The following ZBTB40 variants were observed in gnomAD, a reference collection of about 807,000 sequenced individuals.
ZBTB40 encodes the protein zinc finger and BTB domain containing 40.
In ZBTB40, 60 loss-of-function variants were observed where a neutral mutation model predicts 117.5. That is an observed-to-expected ratio of 0.51 (90% CI 0.41 to 0.63). ZBTB40 has a LOEUF of 0.63. Ranked by LOEUF, ZBTB40 falls within the 30% of genes least tolerant of loss-of-function variation. The probability of loss-of-function intolerance (pLI) is 0.00; values close to 1 mark genes in which losing one functional copy is unlikely to be tolerated. For synonymous variants in ZBTB40, 525 were observed against 577.1 expected, an observed-to-expected ratio of 0.91 and a Z score of 1.29; for missense variants, 1,287 against 1,498.5, an observed-to-expected ratio of 0.86 and a Z score of 2.33.
At chr1:22,448,778 GA>G (rs1640818939), upstream of ZBTB40, among the ~76,000 whole-genome samples, 1 of 151,352 alleles carries the variant, frequency 6.6e-6, no homozygotes, top group Admixed American at 6.6e-5. Context: ...TTATTAGCAG[GA>G]GAAGTCGTGG....
chr1:22,441,737 C>T (rs1640735554), intron 1 of ZBTB40, among the ~76,000 whole-genome samples: 1 of 152,114 alleles, frequency 6.6e-6, no homozygotes, highest in South Asian at 2.1e-4. Context: ...CCCACCTCAC[C>T]CTCCCAAAAT....
In ZBTB40 at chr1:22,520,150, A is replaced by G. The variant is rs1639482552; in HGVS notation, c.2923A>G (p.Lys975Glu). The part of the protein sequence containing the change: ...HRKHIHEVHS[K>E]EYHPCPTCGK... ...GAAGCACATCCATGAGGTGCACTCC[A>G]AAGAGTACCACCCCTGCCCCACGTG... Residue 975 changes from lysine to glutamate, a missense_variant, in exon 14 of 18, where the codon AAA becomes GAA. Transcript: ENST00000375647. 3 of 1,614,050 alleles carry G rather than the reference A, an allele frequency of 1.9e-6. No individual in the cohort carries two copies. Among genetic ancestry groups the G allele is most frequent in the Non-Finnish European group, 1.7e-6 (2 of 1,180,036 alleles).
intron 3 of ZBTB40, among the ~76,000 whole-genome samples, chr1:22,496,450 T>C (rs185315612): frequency 6.6e-6 from 1 of 152,070 alleles, no homozygotes; most frequent in East Asian, 1.9e-4. Flanking sequence ...TCAGAGACAG[T>C]TGTAGGGGGA....
intron 14 of ZBTB40, 27 bp downstream of exon 14, chr1:22,520,302 T>C (rs771054478): frequency 6.3e-7 from 1 of 1,585,402 alleles, no homozygotes; most frequent in Non-Finnish European, 8.6e-7. Flanking sequence ...CTGGGAGCTC[T>C]TCCCCTCACC....
chr1:22,509,307 G>A (rs1639167247), intron 9 of ZBTB40, 74 bp downstream of exon 9: 1 of 1,599,272 alleles, frequency 6.3e-7, no homozygotes, highest in African/African-American at 1.3e-5. Context: ...ATTCCTAAGA[G>A]AGGAACCAAT....
intron 1 of ZBTB40, among the ~76,000 whole-genome samples, chr1:22,485,456 TG>T (rs1247090498): frequency 2.0e-5 from 3 of 152,202 alleles, no homozygotes; most frequent in Admixed American, 6.5e-5. Flanking sequence ...TTAATGTATA[TG>T]GGGTATACAG....
chr1:22,512,568 C>G (rs540333189), intron 11 of ZBTB40, among the ~76,000 whole-genome samples: 1 of 152,240 alleles, frequency 6.6e-6, no homozygotes, highest in African/African-American at 2.4e-5. Context: ...AGAATGGTTT[C>G]CCTTGTCCTA....
chr1:22,431,263 T>C (rs979545186), intron 1 of ZBTB40, among the ~76,000 whole-genome samples: 2 of 146,626 alleles, frequency 1.4e-5, no homozygotes, highest in Non-Finnish European at 1.5e-5. Flanking sequence ...ATATTGTATA[T>C]ATTGAATATA....
chr1:22,432,467 G>A (rs1414367326), intron 1 of ZBTB40, among the ~76,000 whole-genome samples: 1 of 152,198 alleles, frequency 6.6e-6, no homozygotes, highest in Non-Finnish European at 1.5e-5. Flanking sequence ...CTTGCCAAAT[G>A]TGTCACTTCT....
intron 1 of ZBTB40, among the ~76,000 whole-genome samples, chr1:22,436,534 AT>A (rs1192537764): frequency 6.6e-6 from 1 of 152,174 alleles, no homozygotes; most frequent in African/African-American, 2.4e-5. Flanking sequence ...AAATAAAAAA[AT>A]AAAAATAAAT....
At chr1:22,458,881 G>A (rs1054597233) in intron 1 of ZBTB40, among the ~76,000 whole-genome samples, 1 of 152,150 alleles carries the variant, frequency 6.6e-6, no homozygotes, top group Admixed American at 6.5e-5. Context: ...GTGAGCCACT[G>A]TGCCAGGCTG....
chr1:22,468,465 C>CTTTTTTTTT lies in ZBTB40; in HGVS notation c.-70+16480_-70+16488dup, dbSNP rs555995462. The stretch of plus-strand genomic sequence containing the variant: ...TTAAAATTTAAAATGTTAATGTTTC[C>CTTTTTTTTT]TTTTTTTTTTTTTTTTTTTTTTTTT... On this transcript the variant is annotated intron_variant, in intron 1 of 17. Coordinates refer to ENST00000375647, the MANE Select transcript of ZBTB40 (RefSeq NM_014870.4). 1.5e-4 allele frequency among the ~76,000 whole-genome samples: 8 copies of CTTTTTTTTT among 51,706 alleles called. 1 individual carries two copies. Among genetic ancestry groups the CTTTTTTTTT allele is most frequent in the African/African-American group, 3.6e-4 (3 of 8,434 alleles). 33.9% of individuals were successfully genotyped at this position (51,706 alleles called of 152,430 possible). A position where few individuals can be genotyped will look rare whatever the true frequency, so the allele number is the denominator to read the frequency against.
intron 16 of ZBTB40, 96 bp downstream of exon 16, chr1:22,522,559 C>A: frequency 8.7e-7 from 1 of 1,147,234 alleles, no homozygotes; most frequent in Non-Finnish European, 1.3e-6. Context: ...AATCGCTTAA[C>A]AAACCTGTGC....
rs1181879245 is a variant in ZBTB40, at chr1:22,501,176, A to G, written c.832-316A>G. 2.6e-5 allele frequency among the ~76,000 whole-genome samples: 4 copies of G among 152,240 alleles called. No individual in the cohort carries two copies. In the East Asian group the frequency reaches 7.7e-4, roughly 29 times the overall value. ...TAGGAGAAAAAAAAAATTATAATAT[A>G]GTGTGACAAATGTCAAATTAAAAGC... On this transcript the variant is annotated intron_variant, in intron 3 of 17. Coordinates refer to ENST00000375647, the MANE Select transcript of ZBTB40 (RefSeq NM_014870.4).
chr1:22,520,346 C>A lies in ZBTB40; in HGVS notation c.3048+71C>A, dbSNP rs1569886859. The A allele has an allele frequency of 6.8e-6, 9 of 1,324,944 alleles. No individual in the cohort carries two copies. The South Asian group carries it at 1.1e-4, about 16-fold the overall frequency. The allele number at this position is 1,324,944 out of a possible 1,614,324, so 82.1% of individuals were successfully genotyped here. A position where few individuals can be genotyped will look rare whatever the true frequency, so the allele number is the denominator to read the frequency against. Reference sequence around the variant, plus strand: ...ACTCTCCATTTGATCTTCCCTGATGCCCGGGTTGGTGGCTTGCAGATCATA... The same window carrying A: ...ACTCTCCATTTGATCTTCCCTGATGACCGGGTTGGTGGCTTGCAGATCATA... On this transcript the variant is annotated intron_variant, in intron 14 of 17. Coordinates refer to ENST00000375647, the MANE Select transcript of ZBTB40 (RefSeq NM_014870.4).
chr1:22,508,805 A>G (rs1639148357), intron 8 of ZBTB40, 74 bp downstream of exon 8: 8 of 1,482,134 alleles, frequency 5.4e-6, no homozygotes, highest in Middle Eastern at 2.4e-4. Context: ...AAATAGGAAG[A>G]GCTCTCTTAA....
chr1:22,517,677 G>A (rs1639412282), intron 13 of ZBTB40: 2 of 604,404 alleles, frequency 3.3e-6, no homozygotes, highest in East Asian at 5.9e-5. Flanking sequence ...TCTCTGGCCA[G>A]GCTGTTTCCC....
intron 3 of ZBTB40, among the ~76,000 whole-genome samples, chr1:22,492,339 T>C (rs1028579898): frequency 7.9e-5 from 12 of 152,242 alleles, no homozygotes; most frequent in Non-Finnish European, 2.9e-5. Flanking sequence ...TTAGCTGACC[T>C]CTTTTTTTAA....
chr1:22,444,532 G>A (rs978802096), intron 1 of ZBTB40, among the ~76,000 whole-genome samples: 8 of 152,228 alleles, frequency 5.3e-5, no homozygotes, highest in African/African-American at 1.2e-4. Context: ...GGAGTTGGGC[G>A]AGTGGGTTCA....
Sources: allele counts gnomAD v4.1 joint callset (sites outside exome capture counted in the v4.1 genomes callset), GRCh38; gene constraint gnomAD v4.1.1; transcripts MANE v1.5; gene names NCBI Gene and HGNC (gene_info 2026-07-23, HGNC 2026-07-21).